The following SLC22A2 variants were observed in gnomAD, a reference collection of about 807,000 sequenced individuals.
SLC22A2 encodes solute carrier family 22 member 2.
In SLC22A2, 46 loss-of-function variants were observed where a neutral mutation model predicts 60.5. The observed-to-expected ratio is 0.76, with a 90% CI of 0.60 to 0.97. The LOEUF (loss-of-function observed/expected upper bound fraction) is 0.97, where lower values mean the gene tolerates loss of function less well. SLC22A2 is among the 50% of genes least tolerant of loss of function. The probability of loss-of-function intolerance (pLI) is 0.00; values close to 1 mark genes in which losing one functional copy is unlikely to be tolerated. For missense variants in SLC22A2, 701 were observed against 706.6 expected (o/e 0.99, Z 0.09); for synonymous variants, 303 against 267.0 (o/e 1.13, Z -1.31).
chr6:160,222,562 G>A (rs1782659022), intron 10 of SLC22A2, among the ~76,000 whole-genome samples: 1 of 152,218 alleles, frequency 6.6e-6, no homozygotes, highest in Non-Finnish European at 1.5e-5. Context: ...GAGTTCCAGT[G>A]ATACAGCAGT....
intron 9 of SLC22A2, among the ~76,000 whole-genome samples, chr6:160,240,038 G>A (rs1782972823): frequency 6.6e-6 from 1 of 152,176 alleles, no homozygotes; most frequent in South Asian, 2.1e-4. Flanking sequence ...TAACGGAAAT[G>A]AGTGACTGAG....
intron 9 of SLC22A2, among the ~76,000 whole-genome samples, chr6:160,233,041 AC>A (rs1782850594): frequency 1.3e-5 from 2 of 151,896 alleles, no homozygotes; most frequent in Non-Finnish European, 2.9e-5. Context: ...CAAGGAAATC[AC>A]TTCTCAGTGT....
intron 9 of SLC22A2, among the ~76,000 whole-genome samples, chr6:160,226,503 C>T (rs114683118): frequency 0.015 from 2,242 of 152,236 alleles, 52 homozygotes; most frequent in African/African-American, 0.051. Flanking sequence ...CTGTTCAAAC[C>T]ATGTTCAAAT....
chr6:160,235,153 T>C (rs567079351), intron 9 of SLC22A2, among the ~76,000 whole-genome samples: 1 of 152,314 alleles, frequency 6.6e-6, no homozygotes, highest in African/African-American at 2.4e-5. Flanking sequence ...GGAATTAAAG[T>C]GGATAGATCC....
At chr6:160,247,861 G>C (rs565752877) in intron 4 of SLC22A2, among the ~76,000 whole-genome samples, 2 of 152,302 alleles carry the variant, frequency 1.3e-5, no homozygotes, top group African/African-American at 4.8e-5. Context: ...GGTTCAGGGT[G>C]AATGAGTTCA....
At chr6:160,249,688 C>T (rs1583400345) in intron 3 of SLC22A2, among the ~76,000 whole-genome samples, 1 of 152,114 alleles carries the variant, frequency 6.6e-6, no homozygotes, top group East Asian at 1.9e-4. Context: ...AGATTTTGAC[C>T]TAGAGTAGTA....
Position 160,242,463 on chromosome 6 carries a change from C to T in SLC22A2, c.1280-61G>A, listed in dbSNP as rs566873720. The T allele has an allele frequency of 1.4e-4, 133 of 974,366 alleles. 1 individual carries two copies. Among genetic ancestry groups the T allele is most frequent in the Middle Eastern group, 1.0e-3 (5 of 4,840 alleles). 60.4% of individuals were successfully genotyped at this position (974,366 alleles called of 1,614,324 possible). ...GATGATTCCTCATCTTCAGACAGTG[C>T]TCCAGAGTGGGACTGTAAGGACAAA... On this transcript the variant is annotated intron_variant, in intron 7 of 10. Transcript: ENST00000366953.
At position 160,247,305 on chromosome 6, in the gene SLC22A2, T is replaced by G. The variant is rs778102072; in HGVS notation, c.843-7A>C. On this transcript the variant is annotated splice_region_variant and splice_polypyrimidine_tract_variant and intron_variant, in intron 4 of 10. Transcript: ENST00000366953. The stretch of plus-strand genomic sequence containing the variant: ...GGGAGACTCAGGTATGCACCTAGGG[T>G]ACAAGGTGAGCGGAGGGCAACTCTT... The G allele has an allele frequency of 1.3e-6, 2 of 1,503,146 alleles. No homozygotes were observed. Among genetic ancestry groups the G allele is most frequent in the South Asian group, 2.3e-5 (2 of 88,776 alleles). The allele number at this position is 1,503,146 out of a possible 1,614,324, so 93.1% of individuals were successfully genotyped here. A position where few individuals can be genotyped will look rare whatever the true frequency, so the allele number is the denominator to read the frequency against.
chr6:160,223,887 C>T (rs1437983123), intron 10 of SLC22A2, among the ~76,000 whole-genome samples: 1 of 152,076 alleles, frequency 6.6e-6, no homozygotes, highest in Non-Finnish European at 1.5e-5. Context: ...ACCACCACAC[C>T]CAGATAATTT....
rs199620582 is a variant in SLC22A2, at chr6:160,233,806, C to T, written c.1501+7668G>A. ...ACGCTGCCCCTAATTCCACTCGAAC[C>T]AGCCCTGAGAAACATCACTCATCAT... On this transcript the variant is annotated intron_variant, in intron 9 of 10. Transcript: ENST00000366953. Among the ~76,000 whole-genome samples, 4 of 151,916 alleles carry T rather than the reference C, an allele frequency of 2.6e-5. No individual in the cohort carries two copies. In the East Asian group the frequency reaches 5.8e-4, roughly 22 times the overall value.
intron 1 of SLC22A2, 115 bp from the exon 2 acceptor site, chr6:160,256,832 TG>T: frequency 2.9e-6 from 2 of 682,588 alleles, no homozygotes; most frequent in Non-Finnish European, 5.2e-6. Context: ...TGAATTGAAC[TG>T]TATAGTTAAG....
chr6:160,227,525 C>A (rs1001239639), intron 9 of SLC22A2, among the ~76,000 whole-genome samples: 2 of 152,210 alleles, frequency 1.3e-5, no homozygotes, highest in African/African-American at 4.8e-5. Flanking sequence ...ATCCAACTAC[C>A]TTGGACACAT....
At chr6:160,253,740 T>C (rs1471975542) in intron 2 of SLC22A2, among the ~76,000 whole-genome samples, 1 of 152,222 alleles carries the variant, frequency 6.6e-6, no homozygotes, top group Non-Finnish European at 1.5e-5. Flanking sequence ...CACTTTCCAA[T>C]GATTTTACTA....
chr6:160,253,874 G>A (rs1783226509), intron 2 of SLC22A2, among the ~76,000 whole-genome samples: 1 of 152,180 alleles, frequency 6.6e-6, no homozygotes, highest in Non-Finnish European at 1.5e-5. Flanking sequence ...GTAGGCTGAA[G>A]TGAACCACAG....
chr6:160,243,502 A>G, intron 7 of SLC22A2, 70 bp downstream of exon 7: 1 of 1,123,126 alleles, frequency 8.9e-7, no homozygotes, highest in East Asian at 2.4e-5. Flanking sequence ...TGGTTTTCCT[A>G]TCAATGGGCC....
Position 160,242,345 on chromosome 6 carries a change from G to T in SLC22A2, c.1337C>A (p.Ala446Asp). 1 of 1,610,660 alleles carries T rather than the reference G, an allele frequency of 6.2e-7. No homozygotes were observed. Among genetic ancestry groups the T allele is most frequent in the Non-Finnish European group, 8.5e-7 (1 of 1,176,884 alleles). Residue 446 changes from alanine to aspartate, a missense_variant, in exon 8 of 11, where the codon GCC (alanine) becomes GAC (aspartate). Physicochemically the swap from Ala to Asp is moderately radical, Grantham distance 126. Coordinates refer to ENST00000366953, the MANE Select transcript of SLC22A2 (RefSeq NM_003058.4). ...SCLGRMGITM[A>D]YEIVCLVNAE... ...ATTGACCAGGCAGACTATCTCATAG[G>T]CCATTGTGATCCCCATTCTTCCCAA...
At position 160,256,672 on chromosome 6, in the gene SLC22A2, A is replaced by C. The variant is rs1272531392; in HGVS notation, c.460T>G (p.Ser154Ala). Reference sequence around the variant, plus strand: ...ATAAAGAATCCTACATTCACTGATGACTGGAATAGGTCCAACATCCAGGAG... The same window carrying C: ...ATAAAGAATCCTACATTCACTGATGCCTGGAATAGGTCCAACATCCAGGAG... Reference protein sequence around the residue: ...ANSWMLDLFQSSVNVGFFIGS... With the variant: ...ANSWMLDLFQASVNVGFFIGS... Residue 154 changes from serine (S) to alanine (A), a missense_variant, in exon 2 of 11, where the codon TCA (serine) becomes GCA (alanine). Physicochemically the swap from Ser to Ala is moderately conservative, Grantham distance 99. Transcript: ENST00000366953. 1 of 1,614,020 alleles carries C rather than the reference A, an allele frequency of 6.2e-7. No individual in the cohort carries two copies. Among genetic ancestry groups the C allele is most frequent in the Non-Finnish European group, 8.5e-7 (1 of 1,179,984 alleles).
chr6:160,244,937 T>C (rs1783066181), intron 6 of SLC22A2: 1 of 152,198 alleles, frequency 6.6e-6, no homozygotes, highest in African/African-American at 2.4e-5. Flanking sequence ...CAGAAATTTA[T>C]TTTTTCTCCA....
At chr6:160,256,539 G>T in intron 2 of SLC22A2, 75 bp downstream of exon 2, 2 of 945,536 alleles carry the variant, frequency 2.1e-6, no homozygotes, top group Non-Finnish European at 3.5e-6. Flanking sequence ...TGGGATTCAA[G>T]CAGGGGCAGG....
Sources: allele counts gnomAD v4.1 joint callset (sites outside exome capture counted in the v4.1 genomes callset), GRCh38; gene constraint gnomAD v4.1.1; transcripts MANE v1.5; gene names NCBI Gene and HGNC (gene_info 2026-07-23, HGNC 2026-07-21).